The following SKIC2 variants were observed in gnomAD, a reference collection of about 807,000 sequenced individuals.
SKIC2 encodes superkiller complex protein 2.
chr6:31,965,578 A>G, the SKIC2 span, among the ~76,000 whole-genome samples: 1 of 152,346 alleles, frequency 6.6e-6, no homozygotes, highest in African/African-American at 2.4e-5. The surrounding 1 kb of genome is among the most constrained non-coding windows in gnomAD (Gnocchi z 5.6). Flanking sequence ...GGTAAAAGTT[A>G]AGAAATAGAA....
At chr6:31,961,711 C>G in the SKIC2 span, 1 of 1,599,660 alleles carries the variant, frequency 6.3e-7, no homozygotes, top group South Asian at 1.1e-5. Flanking sequence ...TCCTCTACCT[C>G]TTTCTGGGTC....
the SKIC2 span, chr6:31,967,655 C>A: frequency 1.3e-6 from 2 of 1,585,256 alleles, no homozygotes; most frequent in Non-Finnish European, 1.7e-6. This position sits in a 1 kb window ranked among gnomAD's most constrained non-coding sequence, Gnocchi z 4.9. Context: ...GGTATCTGGT[C>A]TCTGCCTTTG....
At chr6:31,968,407 C>T in the SKIC2 span, 2 of 1,612,958 alleles carry the variant, frequency 1.2e-6, no homozygotes, top group South Asian at 1.1e-5. The surrounding 1 kb of genome is among the most constrained non-coding windows in gnomAD (Gnocchi z 6.1). Flanking sequence ...AGCCGGACCT[C>T]CCACCCTCGA....
chr6:31,968,825 G>T, the SKIC2 span: 1 of 1,609,732 alleles, frequency 6.2e-7, no homozygotes, highest in South Asian at 1.1e-5. The surrounding 1 kb of genome is among the most constrained non-coding windows in gnomAD (Gnocchi z 6.1). Flanking sequence ...GGGGCAGGGG[G>T]GCTAGGGGAC....
the SKIC2 span, chr6:31,964,177 G>A: frequency 1.2e-6 from 2 of 1,608,038 alleles, no homozygotes; most frequent in Non-Finnish European, 8.5e-7. The surrounding 1 kb of genome is among the most constrained non-coding windows in gnomAD (Gnocchi z 5.0). Flanking sequence ...GCAGACTGGT[G>A]GGGATAGGGT....
chr6:31,967,106 G>C, the SKIC2 span: 2 of 1,612,580 alleles, frequency 1.2e-6, no homozygotes, highest in South Asian at 1.1e-5. This position sits in a 1 kb window ranked among gnomAD's most constrained non-coding sequence, Gnocchi z 4.9. Flanking sequence ...TTACAGCTGG[G>C]GGGAGGAACT....
At chr6:31,962,090 C>G in the SKIC2 span, 2 of 1,607,526 alleles carry the variant, frequency 1.2e-6, no homozygotes, top group South Asian at 2.2e-5. The surrounding 1 kb of genome is among the most constrained non-coding windows in gnomAD (Gnocchi z 5.0). Flanking sequence ...CCTTCACCAG[C>G]CAGCCCCATT....
the SKIC2 span, chr6:31,960,019 G>A: frequency 1.9e-6 from 3 of 1,612,646 alleles, no homozygotes; most frequent in Non-Finnish European, 2.5e-6. Context: ...GCTTCCCCAT[G>A]GCCTCCCTCC....
the SKIC2 span, among the ~76,000 whole-genome samples, chr6:31,966,544 A>G: frequency 1.3e-5 from 2 of 152,132 alleles, no homozygotes; most frequent in Non-Finnish European, 2.9e-5. The surrounding 1 kb of genome is among the most constrained non-coding windows in gnomAD (Gnocchi z 5.9). Flanking sequence ...CATTTATTTC[A>G]GTTTGCTCCC....
chr6:31,967,309 C>T, the SKIC2 span: 1 of 1,613,058 alleles, frequency 6.2e-7, no homozygotes, highest in South Asian at 1.1e-5. The surrounding 1 kb of genome is among the most constrained non-coding windows in gnomAD (Gnocchi z 4.9). Flanking sequence ...GCTGAAGTCT[C>T]TCTCAGCAGG....
At chr6:31,960,391 G>A in the SKIC2 span, 12 of 1,598,960 alleles carry the variant, frequency 7.5e-6, no homozygotes, top group Non-Finnish European at 1.0e-5. Context: ...GGTGGTCAGA[G>A]ACAAGCTCAG....
At chr6:31,965,678 A>C in the SKIC2 span, 1 of 681,604 alleles carries the variant, frequency 1.5e-6, no homozygotes, top group South Asian at 1.7e-5. This position sits in a 1 kb window ranked among gnomAD's most constrained non-coding sequence, Gnocchi z 5.6. Flanking sequence ...ATAAGTAACA[A>C]CTGGGATGGT....
the SKIC2 span, chr6:31,966,594 C>A: frequency 9.4e-7 from 1 of 1,068,902 alleles, no homozygotes; most frequent in Non-Finnish European, 1.4e-6. The surrounding 1 kb of genome is among the most constrained non-coding windows in gnomAD (Gnocchi z 5.9). Context: ...TTGTCCAAGG[C>A]CCCATGGTTG....
At chr6:31,966,102 C>CT in the SKIC2 span, 12,640 of 694,614 alleles carry the variant, frequency 0.018, 1 homozygote, top group South Asian at 0.029. This position sits in a 1 kb window ranked among gnomAD's most constrained non-coding sequence, Gnocchi z 5.9. Flanking sequence ...TTTCTTCTTC[C>CT]TTTTTTTTTT....
chr6:31,960,633 C>T, the SKIC2 span: 1 of 1,585,552 alleles, frequency 6.3e-7, no homozygotes, highest in Non-Finnish European at 8.6e-7. Flanking sequence ...TACCCTCATC[C>T]CATGAATCCC....
chr6:31,960,913 G>C, the SKIC2 span: 1 of 907,340 alleles, frequency 1.1e-6, no homozygotes, highest in South Asian at 1.4e-5. Flanking sequence ...TCATCTGTTG[G>C]GAAAGTGTCA....
At chr6:31,969,589 G>T in the SKIC2 span, 1 of 1,613,732 alleles carries the variant, frequency 6.2e-7, no homozygotes, top group East Asian at 2.2e-5. The surrounding 1 kb of genome is among the most constrained non-coding windows in gnomAD (Gnocchi z 6.1). Flanking sequence ...GCCTGGCTGA[G>T]ATGTGTCGCT....
At chr6:31,961,209 A>C in the SKIC2 span, 1 of 1,614,144 alleles carries the variant, frequency 6.2e-7, no homozygotes. Flanking sequence ...GTCCAACTCC[A>C]GCTCCTGGAC....
At chr6:31,964,075 C>T in the SKIC2 span, 2 of 1,612,550 alleles carry the variant, frequency 1.2e-6, no homozygotes, top group African/African-American at 2.7e-5. The surrounding 1 kb of genome is among the most constrained non-coding windows in gnomAD (Gnocchi z 5.0). Context: ...CCACCTCTTC[C>T]TGCAGCGCTG....
Sources: allele counts gnomAD v4.1 joint callset (sites outside exome capture counted in the v4.1 genomes callset), GRCh38; gene constraint gnomAD v4.1.1; non-coding constraint Gnocchi (gnomAD v3.1); transcripts MANE v1.5; gene names NCBI Gene and HGNC (gene_info 2026-07-23, HGNC 2026-07-21).